Variants in ADRA1A observed in about 807,000 individuals in gnomAD.
ADRA1A encodes the protein adrenoceptor alpha 1A, also known as alpha-1A adrenergic receptor.
Under a neutral mutation model 29.6 loss-of-function variants are expected in ADRA1A, and 31 were observed. The ratio of observed to expected loss-of-function variants is 1.05; its 90% CI spans 0.79 to 1.41. ADRA1A has a LOEUF of 1.41. ADRA1A is among the 40% of genes most tolerant of loss of function. The pLI, the probability that ADRA1A is intolerant of heterozygous loss-of-function variation, is 0.00. For synonymous variants in ADRA1A, 311 were observed against 254.3 expected (o/e 1.22, Z -2.12); for missense variants, 619 against 601.1 (o/e 1.03, Z -0.31).
Position 26,825,019 on chromosome 8 carries a change from A to C in ADRA1A, c.883+39068T>G, listed in dbSNP as rs140195718. 7.4e-3 allele frequency among the ~76,000 whole-genome samples: 1,046 copies of C among 141,588 alleles called. 12 individuals carry two copies. The highest frequency in any genetic ancestry group is 0.024 in the African/African-American group (982 of 40,142). The allele number at this position is 141,588 out of a possible 152,430, so 92.9% of individuals were successfully genotyped here. ...TAGTTCTTCTTGAACTAGCCGGCAG[A>C]TCTGCAGTGTGGAATTGAGTTACCA... On this transcript the variant is annotated intron_variant, in intron 2 of 2. Transcript: ENST00000380573. The surrounding 1 kb of genome is among the most constrained non-coding windows in gnomAD (Gnocchi z 5.7).
At position 26,787,753 on chromosome 8, in the gene ADRA1A, C is replaced by G. The variant is rs1874427; in HGVS notation, c.884-17087G>C. ...GATGAGGGCAAGATTGTTCCCTTTT[C>G]TGTGCCTCAGTTTCCTGGCACACGT... is the stretch of plus-strand genomic sequence containing the variant. On this transcript the variant is annotated intron_variant, in intron 2 of 2. Transcript: ENST00000380573. This position sits in a 1 kb window ranked among gnomAD's most constrained non-coding sequence, Gnocchi z 4.2. Among the ~76,000 whole-genome samples, 50,989 of 151,594 alleles carry G rather than the reference C, an allele frequency of 0.34. 9,849 individuals carry two copies. Among genetic ancestry groups the G allele is most frequent in the East Asian group, 0.84 (4,289 of 5,110 alleles).
chr8:26,818,741 G>C (rs1171768446), intron 2 of ADRA1A, among the ~76,000 whole-genome samples: 6 of 151,938 alleles, frequency 3.9e-5, no homozygotes, highest in African/African-American at 1.2e-4. Context: ...GGAGAAGAAA[G>C]AATCTGTGAA....
chr8:26,770,185 G>A lies in ADRA1A; in HGVS notation c.1365C>T (p.His455=), dbSNP rs1467427004. ...CCCCGTTCTCACTGAGGGAGATGGT[G>A]TGGACCTTAATGGTTGGAACTTGAT... ...KNHQVPTIKV[H]TISLSENGEE... The change falls in exon 3 of 3, where the codon CAC becomes CAT. Residue 455 remains histidine, a synonymous_variant. Transcript: ENST00000380573. 6.3e-7 allele frequency: 1 copy of A among 1,583,756 alleles called. No individual in the cohort carries two copies. Among genetic ancestry groups the A allele is most frequent in the Non-Finnish European group, 8.6e-7 (1 of 1,163,914 alleles).
chr8:26,860,921 C>G lies in ADRA1A; in HGVS notation c.883+3166G>C, dbSNP rs1813407641. On this transcript the variant is annotated intron_variant, in intron 2 of 2. Transcript: ENST00000380573. This position sits in a 1 kb window ranked among gnomAD's most constrained non-coding sequence, Gnocchi z 4.7. The stretch of plus-strand genomic sequence containing the variant: ...ATACCCCTCCAGCTACACCGCATCT[C>G]CTAGCTCCAGTGTATAGCAAAACCT... Among the ~76,000 whole-genome samples, 1 of 152,194 alleles carries G rather than the reference C, an allele frequency of 6.6e-6. No individual in the cohort carries two copies. The highest frequency in any genetic ancestry group is 2.4e-5 in the African/African-American group (1 of 41,452).
Position 26,769,285 on chromosome 8 carries a change from A to G in ADRA1A, c.*864T>C, listed in dbSNP as rs191707546. On this transcript the variant is annotated 3_prime_UTR_variant, in exon 3 of 3. Transcript: ENST00000380573. The stretch of plus-strand genomic sequence containing the variant: ...CAGCCTCTATCTTTGCAAGAAATTA[A>G]CAGCCACACCAACCTCTTGCTCTTT... The G allele has an allele frequency of 3.0e-4, 300 of 985,458 alleles. 1 individual carries two copies. The African/African-American group carries it at 4.8e-3, about 16-fold the overall frequency. 61.0% of individuals were successfully genotyped at this position (985,458 alleles called of 1,614,324 possible).
rs1184705232 is a variant in ADRA1A, at chr8:26,770,039, G to C, written c.*110C>G. 1 of 1,481,276 alleles carries C rather than the reference G, an allele frequency of 6.8e-7. No individual in the cohort carries two copies. The highest frequency in any genetic ancestry group is 1.4e-5 in the African/African-American group (1 of 71,324). 91.8% of individuals were successfully genotyped at this position (1,481,276 alleles called of 1,614,324 possible). Reference sequence around the variant, plus strand: ...CTACCACCCACCCCATTCCCAGCAGGTCCCCTCTTTGATTGGTCCTGTCTT... The same window carrying C: ...CTACCACCCACCCCATTCCCAGCAGCTCCCCTCTTTGATTGGTCCTGTCTT... On this transcript the variant is annotated 3_prime_UTR_variant, in exon 3 of 3. Coordinates refer to ENST00000380573, the MANE Select transcript of ADRA1A (RefSeq NM_000680.4).
chr8:26,809,307 T>C (rs567453110), intron 2 of ADRA1A, among the ~76,000 whole-genome samples: 5 of 152,190 alleles, frequency 3.3e-5, no homozygotes, highest in Non-Finnish European at 7.3e-5. Flanking sequence ...TCTGTTCAGG[T>C]ACTGAAAAGC....
chr8:26,788,784 G>A (rs576555306), intron 2 of ADRA1A, among the ~76,000 whole-genome samples: 7 of 152,192 alleles, frequency 4.6e-5, no homozygotes, highest in South Asian at 2.1e-4. Flanking sequence ...TGCTAACACC[G>A]AATGCGCTAC....
chr8:26,862,196 C>T lies in ADRA1A; in HGVS notation c.883+1891G>A, dbSNP rs1018054580. ...CCTCTGTGATCTTCATTGAACAGGT[C>T]AGGCTCTTTCCCATCTCTGTACTCG... On this transcript the variant is annotated intron_variant, in intron 2 of 2. Transcript: ENST00000380573. 3.9e-5 allele frequency among the ~76,000 whole-genome samples: 6 copies of T among 152,148 alleles called. No individual in the cohort carries two copies. The East Asian group carries it at 1.2e-3, about 29-fold the overall frequency.
At chr8:26,804,110 C>T (rs538982809) in intron 2 of ADRA1A, among the ~76,000 whole-genome samples, 16 of 151,736 alleles carry the variant, frequency 1.1e-4, no homozygotes, top group South Asian at 4.2e-4. Context: ...TTTTTAGAGT[C>T]GGGGTCTTGC....
intron 2 of ADRA1A, among the ~76,000 whole-genome samples, chr8:26,801,142 C>T (rs1808547725): frequency 6.6e-6 from 1 of 152,030 alleles, no homozygotes; most frequent in African/African-American, 2.4e-5. Flanking sequence ...ACAATAAAAG[C>T]CATATATGAC....
chr8:26,833,800 C>T (rs1008341131), intron 2 of ADRA1A, among the ~76,000 whole-genome samples: 1 of 152,180 alleles, frequency 6.6e-6, no homozygotes, highest in African/African-American at 2.4e-5. Context: ...AGGAAGCTGG[C>T]ATATGGCTTC....
chr8:26,859,498 G>T (rs955547222), intron 2 of ADRA1A, among the ~76,000 whole-genome samples: 4 of 152,170 alleles, frequency 2.6e-5, no homozygotes, highest in African/African-American at 9.7e-5. Context: ...TCATAGACTT[G>T]CAATAATTGT....
At position 26,864,516 on chromosome 8, in the gene ADRA1A, C is replaced by T. The variant is rs745878118; in HGVS notation, c.454G>A (p.Ala152Thr). 1.9e-6 allele frequency: 3 copies of T among 1,613,838 alleles called. No individual in the cohort carries two copies. The highest frequency in any genetic ancestry group is 1.3e-5 in the African/African-American group (1 of 74,908). The change falls in exon 2 of 3, where the codon GCA becomes ACA. Residue 152 changes from alanine to threonine, a missense_variant. Transcript: ENST00000380573. The surrounding 1 kb of genome is among the most constrained non-coding windows in gnomAD (Gnocchi z 8.1). ...CCAATGGATATGACCAGGGAGAGTG[C>T]CCAGACGCAGAGCAGAGCCATGAGA... ...RGLMALLCVW[A>T]LSLVISIGPL...
intron 2 of ADRA1A, chr8:26,757,047 C>T (rs35661586): frequency 0.068 from 47,997 of 704,508 alleles, 2,834 homozygotes; most frequent in East Asian, 0.28. Flanking sequence ...ACTGAAAGAA[C>T]TGAATACTCT....
chr8:26,803,901 G>T (rs1056558234), intron 2 of ADRA1A, among the ~76,000 whole-genome samples: 6 of 137,702 alleles, frequency 4.4e-5, no homozygotes, highest in South Asian at 2.3e-4. Flanking sequence ...CTCTGCAAAA[G>T]AATATTTTGG....
At chr8:26,835,951 G>C (rs1218601727) in intron 2 of ADRA1A, 1 of 158,250 alleles carries the variant, frequency 6.3e-6, no homozygotes, top group South Asian at 2.0e-4. Flanking sequence ...GAAGGATGAA[G>C]GACATAGGAG....
chr8:26,861,916 T>G (rs1221138674), intron 2 of ADRA1A, among the ~76,000 whole-genome samples: 1 of 152,154 alleles, frequency 6.6e-6, no homozygotes, highest in African/African-American at 2.4e-5. Context: ...AATAGCCTTT[T>G]AACTAGTCTC....
intron 2 of ADRA1A, among the ~76,000 whole-genome samples, chr8:26,852,639 C>A (rs900273069): frequency 1.3e-5 from 2 of 152,026 alleles, no homozygotes; most frequent in African/African-American, 2.4e-5. Flanking sequence ...TCAGAACAGA[C>A]CACTATCCAT....
Sources: allele counts gnomAD v4.1 joint callset (sites outside exome capture counted in the v4.1 genomes callset), GRCh38; gene constraint gnomAD v4.1.1; non-coding constraint Gnocchi (gnomAD v3.1); transcripts MANE v1.5; gene names NCBI Gene and HGNC (gene_info 2026-07-23, HGNC 2026-07-21).